Variants in IGDCC3 observed in about 807,000 individuals in gnomAD.
IGDCC3 encodes putative neuronal cell adhesion molecule.
IGDCC3 carries 47 observed loss-of-function variants against 72.0 expected under a neutral mutation model. That is an observed-to-expected ratio of 0.65 (90% confidence interval 0.52 to 0.83). The LOEUF (loss-of-function observed/expected upper bound fraction) is 0.83, where lower values mean the gene tolerates loss of function less well. IGDCC3 is among the 40% of genes least tolerant of loss of function. IGDCC3 has a pLI of 0.00. For missense variants in IGDCC3, 1,038 were observed against 1,091.3 expected, an observed-to-expected ratio of 0.95 and a Z score of 0.69; for synonymous variants, 477 against 472.8, an observed-to-expected ratio of 1.01 and a Z score of -0.11.
intron 5 of IGDCC3, among the ~76,000 whole-genome samples, chr15:65,333,979 C>T (rs1015988831): frequency 1.3e-5 from 2 of 152,092 alleles, no homozygotes; most frequent in African/African-American, 2.4e-5. Context: ...CCCAGGGACC[C>T]GAGCCCTTCC....
chr15:65,341,789 T>G (rs2091083528), intron 2 of IGDCC3, among the ~76,000 whole-genome samples: 1 of 152,178 alleles, frequency 6.6e-6, no homozygotes, highest in Non-Finnish European at 1.5e-5. Context: ...TTATTTATTT[T>G]TTGAGACAGG....
At chr15:65,366,908 TAA>T (rs1368865077) in intron 2 of IGDCC3, among the ~76,000 whole-genome samples, 1 of 152,146 alleles carries the variant, frequency 6.6e-6, no homozygotes, top group East Asian at 1.9e-4. Flanking sequence ...AGGCATTTCT[TAA>T]AAGAGGGTGA....
At chr15:65,363,777 A>T (rs1034007660) in intron 2 of IGDCC3, among the ~76,000 whole-genome samples, 2 of 152,190 alleles carry the variant, frequency 1.3e-5, no homozygotes, top group Non-Finnish European at 2.9e-5. Context: ...TGGAGCAATC[A>T]GCATCATTAT....
chr15:65,328,809 C>G lies in IGDCC3; in HGVS notation c.*100G>C. ...CAGTCAGGATAGAAATGCTGGGGAG[C>G]CCCCAGGACCATCCAAATCCCACAT... is the stretch of plus-strand genomic sequence containing the variant. On this transcript the variant is annotated 3_prime_UTR_variant, in exon 14 of 14. Transcript: ENST00000327987. 1 of 1,356,292 alleles carries G rather than the reference C, an allele frequency of 7.4e-7. No homozygotes were observed. The highest frequency in any genetic ancestry group is 9.7e-7 in the Non-Finnish European group (1 of 1,030,998). The allele number at this position is 1,356,292 out of a possible 1,614,324, so 84.0% of individuals were successfully genotyped here.
Position 65,377,289 on chromosome 15 carries a change from C to A in IGDCC3, c.103+397G>T, listed in dbSNP as rs1253175425. Among the ~76,000 whole-genome samples the A allele has an allele frequency of 6.6e-6, 1 of 152,190 alleles. No homozygotes were observed. The highest frequency in any genetic ancestry group is 1.5e-5 in the Non-Finnish European group (1 of 68,032). ...AGGCTGCTGTCCCCTGTCTTGGCTGCCTCGGGCTATGTCCACGGCCGGGCA... is the reference window on the plus strand; with the variant it reads ...AGGCTGCTGTCCCCTGTCTTGGCTGACTCGGGCTATGTCCACGGCCGGGCA... On this transcript the variant is annotated intron_variant, in intron 1 of 13. Transcript: ENST00000327987. This position sits in a 1 kb window ranked among gnomAD's most constrained non-coding sequence, Gnocchi z 4.9.
chr15:65,355,836 C>T, intron 2 of IGDCC3: 4 of 426,282 alleles, frequency 9.4e-6, no homozygotes, highest in Non-Finnish European at 1.9e-5. Flanking sequence ...CTGGGGCGAG[C>T]GAGGCACCAT....
intron 2 of IGDCC3, among the ~76,000 whole-genome samples, chr15:65,356,847 G>GTTTTTTTTTTTT (rs1189300061): frequency 6.5e-5 from 4 of 61,782 alleles, no homozygotes; most frequent in African/African-American, 2.6e-4. Flanking sequence ...GAATGGACCT[G>GTTTTTTTTTTTT]CTTTTTTTTT....
intron 9 of IGDCC3, 37 bp from the exon 10 acceptor site, chr15:65,330,778 A>C: frequency 1.4e-6 from 2 of 1,478,326 alleles, no homozygotes; most frequent in Non-Finnish European, 1.8e-6. Flanking sequence ...GTGAGGACCC[A>C]GTGGAAGCTC....
At chr15:65,341,735 G>A (rs2091083090) in intron 2 of IGDCC3, among the ~76,000 whole-genome samples, 1 of 152,160 alleles carries the variant, frequency 6.6e-6, no homozygotes, top group Non-Finnish European at 1.5e-5. Flanking sequence ...ACCATCCCAT[G>A]TCTGTGCTGT....
At position 65,377,226 on chromosome 15, in the gene IGDCC3, G is replaced by T. The variant is rs1348693585; in HGVS notation, c.103+460C>A. ...TCCAAATGCAGGTCGTGCCATCTCC[G>T]CCCAGTGCAGCCGTCAGAGTCCCGG... On this transcript the variant is annotated intron_variant, in intron 1 of 13. Coordinates refer to ENST00000327987, the MANE Select transcript of IGDCC3 (RefSeq NM_004884.4). The surrounding 1 kb of genome is among the most constrained non-coding windows in gnomAD (Gnocchi z 4.9). Among the ~76,000 whole-genome samples, 1 of 152,064 alleles carries T rather than the reference G, an allele frequency of 6.6e-6. No individual in the cohort carries two copies. The highest frequency in any genetic ancestry group is 1.5e-5 in the Non-Finnish European group (1 of 68,002).
At chr15:65,354,705 T>C (rs1350449213) in intron 2 of IGDCC3, among the ~76,000 whole-genome samples, 2 of 152,226 alleles carry the variant, frequency 1.3e-5, no homozygotes, top group African/African-American at 4.8e-5. Flanking sequence ...CATATGTTCT[T>C]GGGGATCACT....
At chr15:65,345,714 G>T (rs2091119559) in intron 2 of IGDCC3, among the ~76,000 whole-genome samples, 1 of 152,168 alleles carries the variant, frequency 6.6e-6, no homozygotes, top group African/African-American at 2.4e-5. Flanking sequence ...ACAGTAATAT[G>T]GTTCTGAAAA....
At chr15:65,368,447 C>A (rs1378899482) in intron 2 of IGDCC3, among the ~76,000 whole-genome samples, 1 of 152,172 alleles carries the variant, frequency 6.6e-6, no homozygotes, top group Non-Finnish European at 1.5e-5. Flanking sequence ...GTTTAAGGGG[C>A]CAGCTGGCTG....
chr15:65,357,222 G>A (rs894977334), intron 2 of IGDCC3, among the ~76,000 whole-genome samples: 1 of 152,110 alleles, frequency 6.6e-6, no homozygotes, highest in Non-Finnish European at 1.5e-5. Context: ...AATCTCTTCT[G>A]ATGGGCTCTT....
Position 65,329,408 on chromosome 15 carries a change from C to A in IGDCC3, c.2187G>T (p.Gln729His). ...QLFPPASAAG[Q>H]PDPRPTQDPA... ...CACTCACTGTGGGTCTGGGGTCCGG[C>A]TGCCCTGCTGCGCTGGCCGGGGGGA... Residue 729 changes from glutamine to histidine, a missense_variant, in exon 13 of 14, where the codon CAG becomes CAT. By Grantham distance (24) the Gln-to-His change is conservative. Transcript: ENST00000327987. This position sits in a 1 kb window ranked among gnomAD's most constrained non-coding sequence, Gnocchi z 4.1. 6.3e-7 allele frequency: 1 copy of A among 1,589,946 alleles called. No individual in the cohort carries two copies. The highest frequency in any genetic ancestry group is 8.5e-7 in the Non-Finnish European group (1 of 1,171,874).
At chr15:65,361,490 C>T (rs1304867532) in intron 2 of IGDCC3, among the ~76,000 whole-genome samples, 4 of 151,888 alleles carry the variant, frequency 2.6e-5, no homozygotes, top group African/African-American at 7.3e-5. Flanking sequence ...AAAAGAAATC[C>T]CTGGCCTACC....
rs753006746 is a variant in IGDCC3, at chr15:65,330,542, T to C, written c.1753+8A>G. 1.9e-5 allele frequency: 31 copies of C among 1,612,060 alleles called. No homozygotes were observed. The highest frequency in any genetic ancestry group is 2.6e-5 in the Non-Finnish European group (31 of 1,179,198). The stretch of plus-strand genomic sequence containing the variant: ...AGCCCCCTAGGCTCTGGGCTGTGTC[T>C]GCCTCACCGAGCTGGCTGAGGTTGT... On this transcript the variant is annotated splice_region_variant and intron_variant, in intron 10 of 13. Transcript: ENST00000327987.
chr15:65,365,188 A>G (rs1484021722), intron 2 of IGDCC3, among the ~76,000 whole-genome samples: 1 of 152,096 alleles, frequency 6.6e-6, no homozygotes, highest in African/African-American at 2.4e-5. Flanking sequence ...AAGACCCCTA[A>G]GGACCTAAGG....
Position 65,329,265 on chromosome 15 carries a change from G to C in IGDCC3, c.2206-117C>G. 6.7e-7 allele frequency: 1 copy of C among 1,487,680 alleles called. No homozygotes were observed. The highest frequency in any genetic ancestry group is 9.0e-7 in the Non-Finnish European group (1 of 1,109,572). The allele number at this position is 1,487,680 out of a possible 1,614,324, so 92.2% of individuals were successfully genotyped here. A position where few individuals can be genotyped will look rare whatever the true frequency, so the allele number is the denominator to read the frequency against. ...TCCCTGCCTGACTCAGGGACACAAA[G>C]AGAAGACCTGCAGTTTGACTAAGGC... On this transcript the variant is annotated intron_variant, in intron 13 of 13. Transcript: ENST00000327987. The surrounding 1 kb of genome is among the most constrained non-coding windows in gnomAD (Gnocchi z 4.1).
Sources: allele counts gnomAD v4.1 joint callset (sites outside exome capture counted in the v4.1 genomes callset), GRCh38; gene constraint gnomAD v4.1.1; non-coding constraint Gnocchi (gnomAD v3.1); transcripts MANE v1.5; gene names NCBI Gene and HGNC (gene_info 2026-07-23, HGNC 2026-07-21).